Variants in HYDIN observed in about 807,000 individuals in gnomAD.
HYDIN encodes the protein HYDIN axonemal central pair apparatus protein.
Under a neutral mutation model 403.9 loss-of-function variants are expected in HYDIN, and 132 were observed. That is an observed-to-expected ratio of 0.33 (90% CI 0.28 to 0.38). The LOEUF is 0.38. Among genes scored for constraint, HYDIN ranks in the 10% least tolerant of loss-of-function variants. The pLI is 1.00. For synonymous variants in HYDIN, 1,202 were observed against 1,891.7 expected (o/e 0.64, Z 9.46); for missense variants, 2,827 against 5,009.5 (o/e 0.56, Z 13.15).
At chr16:71,003,586 A>G (rs6499374) in intron 23 of HYDIN, among the ~76,000 whole-genome samples, 84,028 of 151,492 alleles carry the variant, frequency 0.55, 25,729 homozygotes, top group African/African-American at 0.81. Flanking sequence ...GATCACCTGA[A>G]GTCAGCAGTT....
In HYDIN at chr16:70,834,091, G is replaced by A; in HGVS notation, c.13475C>T (p.Ala4492Val). The A allele has an allele frequency of 6.2e-7, 1 of 1,607,948 alleles. No homozygotes were observed. Among genetic ancestry groups the A allele is most frequent in the South Asian group, 1.1e-5 (1 of 90,906 alleles). The change falls in exon 79 of 86, where the codon GCC becomes GTC. Residue 4492 changes from alanine to valine, a missense_variant. Transcript: ENST00000393567. The stretch of plus-strand genomic sequence containing the variant: ...GAAGGGAGGGACACGCTTCTTCGGG[G>A]CAAAGATGACTTCCAGTTTACAGAC... Reference protein sequence around the residue: ...KEVCKLEVIFAPKKRVPPFSE... With the variant: ...KEVCKLEVIFVPKKRVPPFSE...
chr16:71,221,599 C>A (rs548242847), intron 1 of HYDIN, among the ~76,000 whole-genome samples: 8 of 151,416 alleles, frequency 5.3e-5, no homozygotes, highest in African/African-American at 1.7e-4. Flanking sequence ...GCAAAAACAT[C>A]CTGTAGGAAA....
At chr16:70,960,667 A>C (rs1488660674) in intron 38 of HYDIN, among the ~76,000 whole-genome samples, 2 of 152,114 alleles carry the variant, frequency 1.3e-5, no homozygotes, top group African/African-American at 4.8e-5. Context: ...CTTTCCATTT[A>C]CTTAAATACA....
rs534689424 is a variant in HYDIN at position 70,981,028 on chromosome 16, T to C, written c.4510+363A>G. On this transcript the variant is annotated intron_variant, in intron 29 of 85. Coordinates refer to ENST00000393567, the MANE Select transcript of HYDIN (RefSeq NM_001270974.2). ...TGAGAATTCTACTCCTGGAAGCTCA[T>C]TGGCTCTTACCTTCCCAGTGGCATC... 4.6e-3 allele frequency among the ~76,000 whole-genome samples: 705 copies of C among 151,990 alleles called. 5 individuals carry two copies. Among genetic ancestry groups the C allele is most frequent in the African/African-American group, 0.016 (678 of 41,440 alleles).
intron 5 of HYDIN, among the ~76,000 whole-genome samples, chr16:71,173,183 G>A (rs920182467): frequency 2.6e-5 from 4 of 152,248 alleles, no homozygotes; most frequent in Non-Finnish European, 5.9e-5. Context: ...AAATTGGACA[G>A]CTGAATTTCT....
At chr16:70,984,761 A>G (rs1247604332) in intron 28 of HYDIN, among the ~76,000 whole-genome samples, 1 of 146,932 alleles carries the variant, frequency 6.8e-6, no homozygotes, top group Non-Finnish European at 1.5e-5. Context: ...GATCAACATA[A>G]TATGAACAAG....
chr16:70,807,950 G>C lies in HYDIN; in HGVS notation c.14996C>G (p.Thr4999Ser). 1.2e-6 allele frequency: 2 copies of C among 1,614,172 alleles called. No homozygotes were observed. Among genetic ancestry groups the C allele is most frequent in the Non-Finnish European group, 1.7e-6 (2 of 1,180,032 alleles). ...VLFEPSHLGETKGILILSSLA... is the reference protein window; with the variant it reads ...VLFEPSHLGESKGILILSSLA... Reference sequence around the variant, plus strand: ...CGATGATAGGATCAGGATGCCCTTGGTCTCACCCAGGTGGCTGGGCTCGAA... The same window carrying C: ...CGATGATAGGATCAGGATGCCCTTGCTCTCACCCAGGTGGCTGGGCTCGAA... Residue 4999 changes from threonine (T) to serine (S), a missense_variant, in exon 86 of 86, where the codon ACC becomes AGC. Thr to Ser is a moderately conservative substitution (Grantham distance 58, BLOSUM62 1). Transcript: ENST00000393567.
chr16:70,922,287 T>C (rs1437528765), intron 45 of HYDIN, among the ~76,000 whole-genome samples: 1 of 152,240 alleles, frequency 6.6e-6, no homozygotes, highest in African/African-American at 2.4e-5. Context: ...CCAAGACACC[T>C]GGGTTTGCAC....
At chr16:71,193,032 A>G (rs1282918381) in intron 1 of HYDIN, among the ~76,000 whole-genome samples, 1 of 152,158 alleles carries the variant, frequency 6.6e-6, no homozygotes, top group Non-Finnish European at 1.5e-5. Context: ...TCTCTAGTGC[A>G]CTCGAGGAGT....
intron 40 of HYDIN, among the ~76,000 whole-genome samples, chr16:70,953,314 A>G (rs1300464901): frequency 6.6e-6 from 1 of 152,100 alleles, no homozygotes; most frequent in Non-Finnish European, 1.5e-5. Context: ...GAAAATTAAC[A>G]CAAGCCCCTG....
intron 1 of HYDIN, among the ~76,000 whole-genome samples, chr16:71,204,988 C>T (rs530565604): frequency 6.6e-6 from 1 of 152,118 alleles, no homozygotes; most frequent in African/African-American, 2.4e-5. Flanking sequence ...GATTACCAGA[C>T]CAAACAATAA....
chr16:71,057,852 T>G (rs2081951863), intron 18 of HYDIN, among the ~76,000 whole-genome samples: 1 of 116,364 alleles, frequency 8.6e-6, no homozygotes, highest in Non-Finnish European at 1.8e-5. Flanking sequence ...ATGCTCATCA[T>G]CACTGGCCAT....
chr16:71,088,155 G>A (rs890513556), intron 12 of HYDIN, 146 bp downstream of exon 12: 4 of 216,750 alleles, frequency 1.8e-5, no homozygotes, highest in African/African-American at 8.2e-5. Context: ...AAACACTGAT[G>A]GAAATTTAAC....
At chr16:70,981,766 G>A (rs1242969121) in intron 28 of HYDIN, among the ~76,000 whole-genome samples, 198 bp from the exon 29 acceptor site, 1 of 152,058 alleles carries the variant, frequency 6.6e-6, no homozygotes, top group Non-Finnish European at 1.5e-5. Flanking sequence ...GAAAAAAGAC[G>A]AATAAAATAC....
chr16:70,940,865 G>T (rs1213220405), intron 43 of HYDIN, among the ~76,000 whole-genome samples: 1 of 152,250 alleles, frequency 6.6e-6, no homozygotes. Context: ...CAGTCGTGTG[G>T]CTGGAGCCGA....
chr16:71,207,180 G>C (rs1242495762), intron 1 of HYDIN, among the ~76,000 whole-genome samples: 1 of 152,152 alleles, frequency 6.6e-6, no homozygotes, highest in Non-Finnish European at 1.5e-5. Context: ...TAGAGATAAA[G>C]GACAGGTCAC....
intron 17 of HYDIN, among the ~76,000 whole-genome samples, chr16:71,061,406 GA>G (rs2082074140): frequency 6.6e-6 from 1 of 152,260 alleles, no homozygotes; most frequent in Admixed American, 6.5e-5. Context: ...TCACAACAAA[GA>G]AACGTAAGGT....
intron 41 of HYDIN, among the ~76,000 whole-genome samples, chr16:70,945,865 C>T (rs1338123564): frequency 1.3e-5 from 2 of 152,204 alleles, no homozygotes; most frequent in East Asian, 1.9e-4. Flanking sequence ...GGGACAAAGG[C>T]CCCACTGGAA....
intron 53 of HYDIN, among the ~76,000 whole-genome samples, chr16:70,896,440 C>T (rs2076205238): frequency 6.6e-6 from 1 of 152,164 alleles, no homozygotes; most frequent in South Asian, 2.1e-4. Flanking sequence ...GCAGCCTCAA[C>T]CTCCCGGGCT....
Sources: allele counts gnomAD v4.1 joint callset (sites outside exome capture counted in the v4.1 genomes callset), GRCh38; gene constraint gnomAD v4.1.1; transcripts MANE v1.5; gene names NCBI Gene and HGNC (gene_info 2026-07-23, HGNC 2026-07-21).